The following SLC6A17 variants were observed in gnomAD, a reference collection of about 807,000 sequenced individuals.
SLC6A17 encodes sodium-dependent neutral amino acid transporter SLC6A17.
Under a neutral mutation model 64.5 loss-of-function variants are expected in SLC6A17, and 21 were observed. The ratio of observed to expected loss-of-function variants is 0.33; its 90% CI spans 0.23 to 0.47. The LOEUF is 0.47. SLC6A17 is among the 20% of genes least tolerant of loss of function. The pLI is 1.00. For synonymous variants in SLC6A17, 372 were observed against 399.5 expected, an observed-to-expected ratio of 0.93 and a Z score of 0.82; for missense variants, 682 against 963.2, an observed-to-expected ratio of 0.71 and a Z score of 3.86.
chr1:110,189,885 G>A lies in SLC6A17; in HGVS notation c.865-2087G>A, dbSNP rs147468470. ...CTTGCCTGGCCTCCCAACTTGTTCA[G>A]ATCCCCTTCTTATGGGCTCTCCAAG... On this transcript the variant is annotated intron_variant, in intron 6 of 11. Coordinates refer to ENST00000331565, the MANE Select transcript of SLC6A17 (RefSeq NM_001010898.4). 1.4e-3 allele frequency among the ~76,000 whole-genome samples: 217 copies of A among 152,332 alleles called. 1 individual carries two copies. The highest frequency in any genetic ancestry group is 4.9e-3 in the African/African-American group (204 of 41,568).
chr1:110,185,629 C>T (rs10776705), intron 6 of SLC6A17, among the ~76,000 whole-genome samples: 75,419 of 151,662 alleles, frequency 0.5, 18,901 homozygotes, highest in South Asian at 0.63. Flanking sequence ...GGGCGAGCCG[C>T]CTTTTCTGAG....
chr1:110,178,515 A>T (rs1656431381), intron 6 of SLC6A17: 1 of 152,236 alleles, frequency 6.6e-6, no homozygotes, highest in African/African-American at 2.4e-5. Context: ...GCCCTCCCTG[A>T]TCCCATTCCC....
chr1:110,180,238 G>A (rs1465877130), intron 6 of SLC6A17, among the ~76,000 whole-genome samples: 1 of 152,226 alleles, frequency 6.6e-6, no homozygotes, highest in Non-Finnish European at 1.5e-5. Context: ...ATTGGTGGCT[G>A]AAGGCCAGGT....
intron 6 of SLC6A17, among the ~76,000 whole-genome samples, chr1:110,188,804 C>T (rs891108605): frequency 6.6e-6 from 1 of 152,226 alleles, no homozygotes; most frequent in Non-Finnish European, 1.5e-5. Context: ...CTTGCTTCTC[C>T]GAGGACCTGC....
In SLC6A17 at chr1:110,198,506, G is replaced by C; in HGVS notation, c.*62G>C. On this transcript the variant is annotated 3_prime_UTR_variant, in exon 12 of 12. Transcript: ENST00000331565. ...TCAACCTGCCCACTTGTCCAGGCCT[G>C]GCCTCTTTCTTGAGGTGGCCACCAG... 6.5e-7 allele frequency: 1 copy of C among 1,544,838 alleles called. No homozygotes were observed. The highest frequency in any genetic ancestry group is 8.7e-7 in the Non-Finnish European group (1 of 1,147,822).
chr1:110,164,322 C>T (rs1655991093), intron 1 of SLC6A17, among the ~76,000 whole-genome samples: 1 of 152,222 alleles, frequency 6.6e-6, no homozygotes, highest in African/African-American at 2.4e-5. Flanking sequence ...CTGTCCCAGA[C>T]AAGGCTCTGT....
chr1:110,162,303 A>G (rs1476902540), intron 1 of SLC6A17, among the ~76,000 whole-genome samples: 1 of 152,222 alleles, frequency 6.6e-6, no homozygotes, highest in Non-Finnish European at 1.5e-5. Context: ...TACCTTTCGC[A>G]TCCATTGTTA....
At chr1:110,178,359 C>A (rs978394126) in intron 6 of SLC6A17, among the ~76,000 whole-genome samples, 14 of 152,214 alleles carry the variant, frequency 9.2e-5, no homozygotes, top group African/African-American at 3.4e-4. Flanking sequence ...CTGGTCCCAA[C>A]ACACACAATA....
intron 2 of SLC6A17, among the ~76,000 whole-genome samples, chr1:110,168,676 A>T (rs1557832655): frequency 6.6e-6 from 1 of 152,170 alleles, no homozygotes; most frequent in Admixed American, 6.5e-5. Context: ...AACCAAAATG[A>T]CTTCAAAGGA....
rs1474229888 is a variant in SLC6A17, at chr1:110,192,073, C to T, written c.966C>T (p.Tyr322=). 1 of 1,614,096 alleles carries T rather than the reference C, an allele frequency of 6.2e-7. No individual in the cohort carries two copies. Among genetic ancestry groups the T allele is most frequent in the Admixed American group, 1.7e-5 (1 of 60,006 alleles). Residue 322 remains tyrosine, a synonymous_variant, in exon 7 of 12, where the codon TAC becomes TAT. Transcript: ENST00000331565. The surrounding 1 kb of genome is among the most constrained non-coding windows in gnomAD (Gnocchi z 4.3). ...GFGGVIAFSS[Y]NKQDNNCHFD... is the part of the protein sequence containing the mutation. ...GTGGTGTCATTGCCTTCTCCAGCTA[C>T]AATAAGCAGGACAACAACTGCCACT...
At chr1:110,182,664 G>A (rs558297928) in intron 6 of SLC6A17, among the ~76,000 whole-genome samples, 1 of 151,720 alleles carries the variant, frequency 6.6e-6, no homozygotes, top group South Asian at 2.1e-4. Flanking sequence ...AGACATTCTA[G>A]ATGCAGAGTG....
rs369105558 is a variant in SLC6A17 at position 110,170,189 on chromosome 1, A to C, written c.287-1871A>C. 7.7e-4 allele frequency among the ~76,000 whole-genome samples: 117 copies of C among 152,306 alleles called. 1 individual carries two copies. The East Asian group carries it at 0.022, about 28-fold the overall frequency. On this transcript the variant is annotated intron_variant, in intron 2 of 11. Transcript: ENST00000331565. ...ACCCAGAACACTGGGGCGAAATACA[A>C]AACCAGTGAGGCTGGCTGGGCGCAG...
chr1:110,173,172 C>G (rs1184247760), intron 3 of SLC6A17, among the ~76,000 whole-genome samples: 1 of 152,234 alleles, frequency 6.6e-6, no homozygotes, highest in Non-Finnish European at 1.5e-5. Flanking sequence ...GTGGGTGTCT[C>G]ACTCTGTCTG....
rs1571007047 is a variant in SLC6A17 at position 110,198,886 on chromosome 1, A to C, written c.*442A>C. 6.1e-6 allele frequency: 1 copy of C among 164,662 alleles called. No individual in the cohort carries two copies. The highest frequency in any genetic ancestry group is 1.8e-4 in the East Asian group (1 of 5,648). 10.2% of individuals were successfully genotyped at this position (164,662 alleles called of 1,614,324 possible). On this transcript the variant is annotated 3_prime_UTR_variant, in exon 12 of 12. Transcript: ENST00000331565. ...GGGGAAGGAGAGTGGACTTTGGCTC[A>C]CTCTGCCATGAGAACAGGACACCAT...
chr1:110,177,304 C>T (rs887241909), intron 6 of SLC6A17, among the ~76,000 whole-genome samples: 2 of 152,122 alleles, frequency 1.3e-5, no homozygotes, highest in Admixed American at 1.3e-4. Flanking sequence ...TTAACCTTAC[C>T]AAAGCCATTC....
Position 110,174,109 on chromosome 1 carries a change from G to A in SLC6A17, c.571+10G>A. 6.2e-7 allele frequency: 1 copy of A among 1,613,586 alleles called. No individual in the cohort carries two copies. The highest frequency in any genetic ancestry group is 8.5e-7 in the Non-Finnish European group (1 of 1,179,764). On this transcript the variant is annotated intron_variant, in intron 4 of 11. Coordinates refer to ENST00000331565, the MANE Select transcript of SLC6A17 (RefSeq NM_001010898.4). ...AATGGGAGCGTGGCAGGCAAGTATGGGGCCCAGCTGGGGATGCCAGCCAGC... is the reference window on the plus strand; with the variant it reads ...AATGGGAGCGTGGCAGGCAAGTATGAGGCCCAGCTGGGGATGCCAGCCAGC...
intron 4 of SLC6A17, 45 bp downstream of exon 4, chr1:110,174,144 G>A: frequency 6.2e-7 from 1 of 1,605,594 alleles, no homozygotes. Flanking sequence ...CCCTGTCCCA[G>A]GAAGGGGTCT....
chr1:110,172,386 A>C, intron 3 of SLC6A17, 169 bp downstream of exon 3: 2 of 842,316 alleles, frequency 2.4e-6, no homozygotes, highest in Non-Finnish European at 3.6e-6. Context: ...GACCCCAGTC[A>C]CCATGTTTCC....
In SLC6A17 at chr1:110,166,832, T is replaced by G. The variant is rs563457768; in HGVS notation, c.-87-11T>G. On this transcript the variant is annotated splice_polypyrimidine_tract_variant and intron_variant, in intron 1 of 11. Coordinates refer to ENST00000331565, the MANE Select transcript of SLC6A17 (RefSeq NM_001010898.4). The stretch of plus-strand genomic sequence containing the variant: ...GTCAGATAATCCTTTACTGCTCACC[T>G]GGTTTCCTAGGTCCCTGAATGAGAA... 2.8e-6 allele frequency: 4 copies of G among 1,450,368 alleles called. No individual in the cohort carries two copies. The Admixed American group carries it at 9.9e-5, about 36-fold the overall frequency. The allele number at this position is 1,450,368 out of a possible 1,614,324, so 89.8% of individuals were successfully genotyped here.
Sources: allele counts gnomAD v4.1 joint callset (sites outside exome capture counted in the v4.1 genomes callset), GRCh38; gene constraint gnomAD v4.1.1; non-coding constraint Gnocchi (gnomAD v3.1); transcripts MANE v1.5; gene names NCBI Gene and HGNC (gene_info 2026-07-23, HGNC 2026-07-21).